The following PNPLA8 variants were observed in gnomAD, a reference collection of about 807,000 sequenced individuals.
PNPLA8 encodes calcium-independent phospholipase A2-gamma.
A neutral mutation model predicts 76.9 loss-of-function variants in PNPLA8; 39 were observed. That is an observed-to-expected ratio of 0.51 (90% confidence interval 0.39 to 0.66). The LOEUF (loss-of-function observed/expected upper bound fraction) is 0.66, where lower values mean the gene tolerates loss of function less well. PNPLA8 is among the 30% of genes least tolerant of loss of function. PNPLA8 has a pLI of 0.00. For synonymous variants in PNPLA8, 301 were observed against 307.9 expected, an observed-to-expected ratio of 0.98 and a Z score of 0.24; for missense variants, 887 against 918.0, an observed-to-expected ratio of 0.97 and a Z score of 0.44.
At chr7:108,473,116 A>G (rs973290915) in intron 10 of PNPLA8, among the ~76,000 whole-genome samples, 1 of 152,212 alleles carries the variant, frequency 6.6e-6, no homozygotes, top group African/African-American at 2.4e-5. Flanking sequence ...CATCACTGTA[A>G]AAAGTTCCTT....
intron 5 of PNPLA8, among the ~76,000 whole-genome samples, chr7:108,501,457 T>C (rs925920323): frequency 2.6e-5 from 4 of 152,234 alleles, no homozygotes; most frequent in African/African-American, 9.6e-5. Flanking sequence ...GTCAGGAAGT[T>C]AATATAGCCT....
chr7:108,472,435 A>G lies in PNPLA8; in HGVS notation c.2315T>C (p.Met772Thr), dbSNP rs558273792. 2 of 1,592,218 alleles carry G rather than the reference A, an allele frequency of 1.3e-6. No homozygotes were observed. Among genetic ancestry groups the G allele is most frequent in the South Asian group, 1.1e-5 (1 of 87,916 alleles). ...TGAAAAGAATGGAAGTCCTTCATAC[A>G]TATCAGTTTTTAATTTTATCCAATC... Reference protein sequence around the residue: ...INDWIKLKTDMYEGLPFFSKL With the variant: ...INDWIKLKTDTYEGLPFFSKL The change falls in exon 11 of 11, where the codon ATG becomes ACG. Residue 772 changes from methionine to threonine, a missense_variant. Met to Thr is a moderately conservative substitution (Grantham distance 81, BLOSUM62 -1). Coordinates refer to ENST00000257694, the MANE Select transcript of PNPLA8 (RefSeq NM_001256007.3).
At chr7:108,476,942 T>TA (rs200260076) in intron 10 of PNPLA8, among the ~76,000 whole-genome samples, 2,120 of 151,906 alleles carry the variant, frequency 0.014, 55 homozygotes, top group African/African-American at 0.046. Flanking sequence ...ATAGTTGAAC[T>TA]AAAAAAAACA....
intron 2 of PNPLA8, among the ~76,000 whole-genome samples, chr7:108,518,869 C>A (rs375291085): frequency 5.0e-4 from 76 of 151,438 alleles, no homozygotes; most frequent in African/African-American, 1.3e-3. Flanking sequence ...AAAGGATAAG[C>A]ACCTGTTTGT....
chr7:108,502,427 A>C (rs1862021219), intron 5 of PNPLA8, 64 bp downstream of exon 5: 3 of 1,409,580 alleles, frequency 2.1e-6, no homozygotes, highest in South Asian at 1.4e-5. Context: ...TGGGCAACAG[A>C]GGGAAACTCC....
intron 2 of PNPLA8, among the ~76,000 whole-genome samples, chr7:108,518,945 T>TC (rs1418292127): frequency 6.6e-6 from 1 of 151,688 alleles, no homozygotes; most frequent in Non-Finnish European, 1.5e-5. Flanking sequence ...TTTACTTTTC[T>TC]AGTGTCTGAA....
intron 4 of PNPLA8, chr7:108,510,767 G>A (rs1862858870): frequency 6.2e-7 from 1 of 1,601,578 alleles, no homozygotes; most frequent in East Asian, 2.2e-5. Context: ...TCGATCTCTT[G>A]GTAAATATGG....
At chr7:108,485,326 G>A (rs1860670385) in intron 9 of PNPLA8, among the ~76,000 whole-genome samples, 1 of 152,048 alleles carries the variant, frequency 6.6e-6, no homozygotes, top group Non-Finnish European at 1.5e-5. Flanking sequence ...AATTTTCTAG[G>A]ACTTGTAATG....
intron 2 of PNPLA8, among the ~76,000 whole-genome samples, chr7:108,517,541 C>T (rs1219314683): frequency 6.6e-6 from 1 of 152,098 alleles, no homozygotes; most frequent in African/African-American, 2.4e-5. Context: ...TGTGGTACAT[C>T]AATATACGGT....
intron 2 of PNPLA8, among the ~76,000 whole-genome samples, chr7:108,521,136 T>C (rs1404110967): frequency 2.7e-5 from 4 of 150,668 alleles, no homozygotes; most frequent in Non-Finnish European, 5.9e-5. Flanking sequence ...TCAGCAAATA[T>C]AGCCAGAAAA....
intron 4 of PNPLA8, chr7:108,502,863 CAA>C (rs1016566691): frequency 3.0e-6 from 1 of 336,802 alleles, no homozygotes; most frequent in Non-Finnish European, 5.3e-6. Context: ...AACCAATATT[CAA>C]AAGTTTTCAT....
chr7:108,486,787 T>C (rs866196037), intron 9 of PNPLA8, among the ~76,000 whole-genome samples: 3 of 152,124 alleles, frequency 2.0e-5, no homozygotes, highest in African/African-American at 4.8e-5. Context: ...TATAGATCTA[T>C]GTATGAGTTT....
At chr7:108,488,267 A>G (rs916530915) in intron 8 of PNPLA8, among the ~76,000 whole-genome samples, 1 of 152,250 alleles carries the variant, frequency 6.6e-6, no homozygotes, top group African/African-American at 2.4e-5. Flanking sequence ...ATAATTGACA[A>G]AACAGTAGTA....
chr7:108,507,168 C>T (rs917351941), intron 4 of PNPLA8, among the ~76,000 whole-genome samples: 3 of 151,572 alleles, frequency 2.0e-5, no homozygotes, highest in African/African-American at 4.9e-5. Context: ...CATGGTGAAA[C>T]CCCATCGCTA....
chr7:108,506,196 G>C (rs568764580), intron 4 of PNPLA8, among the ~76,000 whole-genome samples: 2 of 152,084 alleles, frequency 1.3e-5, no homozygotes, highest in South Asian at 4.1e-4. Flanking sequence ...TGACCAACAG[G>C]GTGAAACCCC....
chr7:108,487,685 C>T, intron 9 of PNPLA8, 74 bp downstream of exon 9: 1 of 835,620 alleles, frequency 1.2e-6, no homozygotes, highest in Non-Finnish European at 1.8e-6. Flanking sequence ...TTCTGAAGAT[C>T]AATGACATTT....
At chr7:108,495,346 A>G (rs1861475278) in intron 7 of PNPLA8, among the ~76,000 whole-genome samples, 1 of 152,210 alleles carries the variant, frequency 6.6e-6, no homozygotes, top group Non-Finnish European at 1.5e-5. Context: ...ATATCCATAA[A>G]ATGGTGAAGA....
At chr7:108,510,923 G>C in intron 4 of PNPLA8, 5 of 1,583,870 alleles carry the variant, frequency 3.2e-6, no homozygotes, top group Non-Finnish European at 4.3e-6. Context: ...AGAAGGTGGA[G>C]ATGCTGGCAA....
chr7:108,498,492 C>CTCTCCTGACCTCATGATCATGAGG (rs1861721772), intron 5 of PNPLA8, among the ~76,000 whole-genome samples: 1 of 150,270 alleles, frequency 6.7e-6, no homozygotes, highest in Admixed American at 6.7e-5. Flanking sequence ...CCAGGATGGT[C>CTCTCCTGACCTCATGATCATGAGG]TCGATCTCCT....
Sources: gnomAD v4.1 joint callset for allele counts (sites outside exome capture counted in the v4.1 genomes callset) on GRCh38, gnomAD v4.1.1 for gene constraint, MANE v1.5 for transcripts, NCBI Gene and HGNC (gene_info 2026-07-23, HGNC 2026-07-21) for gene names.